Variants in LTBP2 observed in about 807,000 individuals in gnomAD.
LTBP2 encodes latent transforming growth factor beta binding protein 2, also known as latent-transforming growth factor beta-binding protein 2.
Under a neutral mutation model 210.6 loss-of-function variants are expected in LTBP2, and 103 were observed. The ratio of observed to expected loss-of-function variants is 0.49; its 90% CI spans 0.42 to 0.58. LTBP2 has a LOEUF of 0.58. LTBP2 is among the 20% of genes least tolerant of loss of function. LTBP2 has a pLI of 0.00. For missense variants in LTBP2, 2,313 were observed against 2,494.5 expected (o/e 0.93, Z 1.55); for synonymous variants, 1,007 against 1,015.0 (o/e 0.99, Z 0.15).
At position 74,516,943 on chromosome 14, in the gene LTBP2, T is replaced by A; in HGVS notation, c.2789-2A>T. The A allele has an allele frequency of 3.2e-6, 5 of 1,551,338 alleles. No individual in the cohort carries two copies. Among genetic ancestry groups the A allele is most frequent in the Non-Finnish European group, 4.4e-6 (5 of 1,147,058 alleles). ...CTGGCTGCTCACACTCATTGATATC[T>A]GTGAACACACAGAAAAGCCCTGAGT... is the stretch of plus-strand genomic sequence containing the variant. On this transcript the variant is annotated splice_acceptor_variant, in intron 17 of 35. Coordinates refer to ENST00000261978, the MANE Select transcript of LTBP2 (RefSeq NM_000428.3). LOFTEE classifies it high-confidence loss of function.
chr14:74,533,377 A>G (rs1003840455), intron 9 of LTBP2, among the ~76,000 whole-genome samples: 1 of 152,154 alleles, frequency 6.6e-6, no homozygotes, highest in African/African-American at 2.4e-5. Flanking sequence ...TGAGATGCAG[A>G]CAGGAAACAG....
At chr14:74,581,537 C>T (rs1396614059) in intron 3 of LTBP2, among the ~76,000 whole-genome samples, 3 of 152,130 alleles carry the variant, frequency 2.0e-5, no homozygotes, top group Admixed American at 2.0e-4. Context: ...AAGGTGGCCT[C>T]AAGCCAAGGA....
At chr14:74,522,156 G>T in intron 16 of LTBP2, 117 bp from the exon 17 acceptor site, 1 of 1,248,950 alleles carries the variant, frequency 8.0e-7, no homozygotes, top group Non-Finnish European at 1.1e-6. Flanking sequence ...GTGTGGCAAG[G>T]AAGGGGTGAG....
Position 74,510,174 on chromosome 14 carries a change from C to G in LTBP2, c.3068G>C (p.Gly1023Ala), listed in dbSNP as rs1264330615. 6.2e-7 allele frequency: 1 copy of G among 1,614,048 alleles called. No individual in the cohort carries two copies. The highest frequency in any genetic ancestry group is 1.7e-5 in the Admixed American group (1 of 60,022). The change falls in exon 20 of 36, where the codon GGA (glycine) becomes GCA (alanine). Residue 1023 changes from glycine to alanine, a missense_variant. By Grantham distance (60) the Gly-to-Ala change is moderately conservative (BLOSUM62 0). Transcript: ENST00000261978. ...GGAGCCTTCTAGGTTGGTGCACTTTCCATGGGCACAGACCCCGGGAGTCAG... is the reference window on the plus strand; with the variant it reads ...GGAGCCTTCTAGGTTGGTGCACTTTGCATGGGCACAGACCCCGGGAGTCAG... ...ECLTPGVCAH[G>A]KCTNLEGSFR...
chr14:74,545,972 C>T (rs2087570537), intron 8 of LTBP2, among the ~76,000 whole-genome samples: 1 of 152,186 alleles, frequency 6.6e-6, no homozygotes, highest in Non-Finnish European at 1.5e-5. Context: ...TTTACCTATG[C>T]CATGCAATTA....
intron 1 of LTBP2, 88 bp downstream of exon 1, chr14:74,611,363 G>C (rs2088604864): frequency 1.5e-6 from 2 of 1,349,528 alleles, no homozygotes; most frequent in African/African-American, 3.0e-5. Context: ...GTATGAGAGC[G>C]GCGCCCTCTC....
intron 10 of LTBP2, 121 bp from the exon 11 acceptor site, chr14:74,529,243 C>T: frequency 8.3e-7 from 1 of 1,209,330 alleles, no homozygotes; most frequent in Non-Finnish European, 1.2e-6. Flanking sequence ...TGGCCCATAT[C>T]TCAGTTGGGA....
chr14:74,506,627 C>CAGTTG, intron 27 of LTBP2, 71 bp downstream of exon 27: 1 of 1,600,738 alleles, frequency 6.2e-7, no homozygotes. Flanking sequence ...TGACCAGGAC[C>CAGTTG]AGTTGAGGAG....
At position 74,506,888 on chromosome 14, in the gene LTBP2, CGT is replaced by C. The variant is rs1158955888; in HGVS notation, c.3908-67_3908-66del. On this transcript the variant is annotated intron_variant, in intron 26 of 35. Coordinates refer to ENST00000261978, the MANE Select transcript of LTBP2 (RefSeq NM_000428.3). ...GTGTGTGTGTGTGTGTGCGCGCGCGCGTGTGTGCTCACTCTCTCACACGCATG... is the reference window on the plus strand; with the variant it reads ...GTGTGTGTGTGTGTGTGCGCGCGCGCGTGTGCTCACTCTCTCACACGCATG... 81 of 1,404,500 alleles carry C rather than the reference CGT, an allele frequency of 5.8e-5. No individual in the cohort carries two copies. In the African/African-American group the frequency reaches 9.0e-4, roughly 16 times the overall value. 87.0% of individuals were successfully genotyped at this position (1,404,500 alleles called of 1,614,324 possible). A position where few individuals can be genotyped will look rare whatever the true frequency, so the allele number is the denominator to read the frequency against.
chr14:74,534,440 C>T (rs2087392778), intron 9 of LTBP2, among the ~76,000 whole-genome samples: 1 of 152,180 alleles, frequency 6.6e-6, no homozygotes, highest in Non-Finnish European at 1.5e-5. Context: ...GCCTGGAGAG[C>T]TTGCATCCTC....
chr14:74,570,547 C>G lies in LTBP2; in HGVS notation c.831-14854G>C, dbSNP rs148740669. ...AGGAGATTTCTATGGGAACTAGGGC[C>G]CCAACCTGGAAAGCTTCCATTCAGC... On this transcript the variant is annotated intron_variant, in intron 3 of 35. Coordinates refer to ENST00000261978, the MANE Select transcript of LTBP2 (RefSeq NM_000428.3). Among the ~76,000 whole-genome samples, 27 of 152,322 alleles carry G rather than the reference C, an allele frequency of 1.8e-4. No individual in the cohort carries two copies. In the East Asian group the frequency reaches 5.2e-3, roughly 29 times the overall value.
chr14:74,572,352 T>G (rs2087993593), intron 3 of LTBP2, among the ~76,000 whole-genome samples: 1 of 151,432 alleles, frequency 6.6e-6, no homozygotes, highest in Non-Finnish European at 1.5e-5. Flanking sequence ...TGTGTGTGTG[T>G]GCATGCGCCA....
chr14:74,541,828 C>T (rs186672667), intron 8 of LTBP2, among the ~76,000 whole-genome samples: 2 of 152,214 alleles, frequency 1.3e-5, no homozygotes, highest in African/African-American at 2.4e-5. Flanking sequence ...CTGGTAAGTG[C>T]TCCACGATGT....
intron 1 of LTBP2, 28 bp from the exon 2 acceptor site, chr14:74,603,733 A>G (rs113639367): frequency 3.1e-6 from 5 of 1,600,036 alleles, no homozygotes; most frequent in African/African-American, 2.7e-5. Flanking sequence ...CAGAGTCAAC[A>G]CAAGGATGCT....
At chr14:74,597,873 C>G (rs150786247) in intron 2 of LTBP2, among the ~76,000 whole-genome samples, 8 of 152,208 alleles carry the variant, frequency 5.3e-5, no homozygotes, top group Non-Finnish European at 1.2e-4. Context: ...TGGTTCCTGG[C>G]TCCTGGTGGG....
intron 8 of LTBP2, among the ~76,000 whole-genome samples, chr14:74,544,537 G>A (rs963316869): frequency 1.3e-5 from 2 of 152,184 alleles, no homozygotes; most frequent in Non-Finnish European, 2.9e-5. Context: ...TGTTGCTGCT[G>A]TGACCTGCCC....
At position 74,586,194 on chromosome 14, in the gene LTBP2, GA is replaced by G; in HGVS notation, c.566-77del. 1 of 1,496,576 alleles carries G rather than the reference GA, an allele frequency of 6.7e-7. No homozygotes were observed. 92.7% of individuals were successfully genotyped at this position (1,496,576 alleles called of 1,614,324 possible). A position where few individuals can be genotyped will look rare whatever the true frequency, so the allele number is the denominator to read the frequency against. The stretch of plus-strand genomic sequence containing the variant: ...CACAGCTGCCCACACCTTCCTGTCA[GA>G]AGGGCCCTCCTGAGTGCTGCAACCC... On this transcript the variant is annotated intron_variant, in intron 2 of 35. Coordinates refer to ENST00000261978, the MANE Select transcript of LTBP2 (RefSeq NM_000428.3). The surrounding 1 kb of genome is among the most constrained non-coding windows in gnomAD (Gnocchi z 4.6).
Position 74,504,050 on chromosome 14 carries a change from C to A in LTBP2, c.4458G>T (p.Ala1486=), listed in dbSNP as rs780867426. The A allele has an allele frequency of 5.6e-6, 9 of 1,613,850 alleles. No homozygotes were observed. In the East Asian group the frequency reaches 2.0e-4, roughly 36 times the overall value. The change falls in exon 31 of 36, where the codon GCG becomes GCT. Residue 1486 remains alanine (A), a synonymous_variant. Transcript: ENST00000261978. The stretch of plus-strand genomic sequence containing the variant: ...CAGGCCCGAATATCACACACTCATC[C>A]GCATCTGTGGAAGGCAGAGCTGAGG... ...WTFGQTMYTD[A]DECVIFGPGL... is the part of the protein sequence containing the mutation.
At chr14:74,503,722 C>A in intron 31 of LTBP2, 116 bp from the exon 32 acceptor site, 1 of 1,444,242 alleles carries the variant, frequency 6.9e-7, no homozygotes, top group East Asian at 2.5e-5. Context: ...CCTCCCTCCC[C>A]TCAACCCAGC....
Sources: gnomAD v4.1 joint callset for allele counts (sites outside exome capture counted in the v4.1 genomes callset) on GRCh38, gnomAD v4.1.1 for gene constraint, Gnocchi (gnomAD v3.1) non-coding constraint, MANE v1.5 for transcripts, NCBI Gene and HGNC (gene_info 2026-07-23, HGNC 2026-07-21) for gene names.